Variants in INPP4B observed in about 807,000 individuals in gnomAD.
The protein encoded by INPP4B is inositol polyphosphate 4-phosphatase type II.
A neutral mutation model predicts 122.5 loss-of-function variants in INPP4B; 55 were observed. The ratio of observed to expected loss-of-function variants is 0.45; its 90% CI spans 0.36 to 0.56. The LOEUF is 0.56. Ranked by LOEUF, INPP4B falls within the 20% of genes least tolerant of loss-of-function variation. The probability of loss-of-function intolerance (pLI) is 0.00; values close to 1 mark genes in which losing one functional copy is unlikely to be tolerated. For missense variants in INPP4B, 1,000 were observed against 1,097.7 expected, an observed-to-expected ratio of 0.91 and a Z score of 1.26; for synonymous variants, 403 against 388.7, an observed-to-expected ratio of 1.04 and a Z score of -0.43.
intron 7 of INPP4B, among the ~76,000 whole-genome samples, chr4:142,399,221 G>A (rs867218968): frequency 1.2e-4 from 12 of 99,598 alleles, no homozygotes; most frequent in African/African-American, 2.7e-4. Context: ...TTTTTGAGTC[G>A]GAGTCTCGCT....
At chr4:142,797,392 A>G (rs1777398771) in intron 1 of INPP4B, among the ~76,000 whole-genome samples, 1 of 152,060 alleles carries the variant, frequency 6.6e-6, no homozygotes, top group Non-Finnish European at 1.5e-5. Context: ...AATGTCAGTC[A>G]TGATTACCAT....
At chr4:142,701,643 C>A (rs7680631) in intron 2 of INPP4B, among the ~76,000 whole-genome samples, 1 of 151,736 alleles carries the variant, frequency 6.6e-6, no homozygotes, top group Non-Finnish European at 1.5e-5. Flanking sequence ...TTTGAAAGAC[C>A]ATTTCTTCTA....
rs550392354 is a variant in INPP4B at position 142,405,945 on chromosome 4, G to A, written c.137-621C>T. On this transcript the variant is annotated intron_variant, in intron 5 of 25. Coordinates refer to ENST00000262992, the MANE Select transcript of INPP4B (RefSeq NM_001101669.3). Reference sequence around the variant, plus strand: ...GAGGAGATGGGTTAATTCTTGCCCAGGGGCCACAAAAGTTAAAAACTTTCC... The same window carrying A: ...GAGGAGATGGGTTAATTCTTGCCCAAGGGCCACAAAAGTTAAAAACTTTCC... 2.0e-5 allele frequency among the ~76,000 whole-genome samples: 3 copies of A among 152,178 alleles called. No homozygotes were observed. In the South Asian group the frequency reaches 6.2e-4, roughly 32 times the overall value.
intron 22 of INPP4B, among the ~76,000 whole-genome samples, chr4:142,111,475 T>C (rs1790032275): frequency 6.6e-6 from 1 of 151,768 alleles, no homozygotes; most frequent in Non-Finnish European, 1.5e-5. Context: ...GCCTCCCAAA[T>C]AGCTGAGATT....
chr4:142,303,139 C>T (rs1180495498), intron 9 of INPP4B, among the ~76,000 whole-genome samples: 1 of 152,002 alleles, frequency 6.6e-6, no homozygotes, highest in Non-Finnish European at 1.5e-5. Flanking sequence ...AAAATAAAAG[C>T]AATGTATCCT....
intron 3 of INPP4B, among the ~76,000 whole-genome samples, chr4:142,441,430 G>A (rs961037494): frequency 6.6e-6 from 1 of 152,120 alleles, no homozygotes; most frequent in African/African-American, 2.4e-5. Flanking sequence ...AACCTATCAG[G>A]AGAGAATAAA....
At chr4:142,801,412 A>T (rs1213731034) in intron 1 of INPP4B, among the ~76,000 whole-genome samples, 2 of 152,196 alleles carry the variant, frequency 1.3e-5, no homozygotes. Flanking sequence ...GACTGGAGTC[A>T]TAAGAAGAGG....
intron 23 of INPP4B, among the ~76,000 whole-genome samples, chr4:142,091,867 G>A (rs1043786499): frequency 6.6e-6 from 1 of 152,110 alleles, no homozygotes; most frequent in South Asian, 2.1e-4. Context: ...AAATAACTGT[G>A]TGGCCAGAAA....
chr4:142,487,344 T>A (rs1228970654), intron 2 of INPP4B, among the ~76,000 whole-genome samples: 1 of 152,144 alleles, frequency 6.6e-6, no homozygotes, highest in Non-Finnish European at 1.5e-5. Flanking sequence ...TACCACAATG[T>A]CTGGATTACA....
chr4:142,404,209 A>G (rs1164184531), intron 6 of INPP4B, among the ~76,000 whole-genome samples: 1 of 152,206 alleles, frequency 6.6e-6, no homozygotes, highest in African/African-American at 2.4e-5. Context: ...GGCTACATGC[A>G]GTATCTGGGT....
At chr4:142,258,747 C>T (rs1737931589) in intron 11 of INPP4B, among the ~76,000 whole-genome samples, 1 of 152,206 alleles carries the variant, frequency 6.6e-6, no homozygotes, top group Non-Finnish European at 1.5e-5. Flanking sequence ...CACTTTTACA[C>T]TGTTGGTGGG....
At chr4:142,310,005 CT>C (rs1267209911) in intron 8 of INPP4B, among the ~76,000 whole-genome samples, 1 of 152,210 alleles carries the variant, frequency 6.6e-6, no homozygotes, top group Non-Finnish European at 1.5e-5. Flanking sequence ...AGCAGATCCT[CT>C]GTGGCTCCCC....
At chr4:142,237,634 T>C (rs1350422973) in intron 12 of INPP4B, among the ~76,000 whole-genome samples, 1 of 151,980 alleles carries the variant, frequency 6.6e-6, no homozygotes, top group Non-Finnish European at 1.5e-5. Context: ...AGTTCAGGTC[T>C]AGATTTCTAT....
At chr4:142,522,353 G>A (rs571385639) in intron 2 of INPP4B, among the ~76,000 whole-genome samples, 21 of 109,520 alleles carry the variant, frequency 1.9e-4, no homozygotes, top group Admixed American at 4.1e-4. Flanking sequence ...CCCCCACCCC[G>A]AGACATGAGA....
chr4:142,497,591 A>T (rs1822756287), intron 2 of INPP4B, among the ~76,000 whole-genome samples: 1 of 152,242 alleles, frequency 6.6e-6, no homozygotes, highest in Non-Finnish European at 1.5e-5. Flanking sequence ...TAAAAGCATC[A>T]AAGTTATAAA....
At chr4:142,227,560 G>C (rs1279085280) in intron 12 of INPP4B, among the ~76,000 whole-genome samples, 1 of 151,934 alleles carries the variant, frequency 6.6e-6, no homozygotes, top group African/African-American at 2.4e-5. Flanking sequence ...ATGTATTCAT[G>C]AAAAATTTGA....
chr4:142,554,648 A>G (rs1490100653), intron 2 of INPP4B, among the ~76,000 whole-genome samples: 1 of 152,100 alleles, frequency 6.6e-6, no homozygotes, highest in East Asian at 1.9e-4. Flanking sequence ...ACCTTAAACT[A>G]GTGTCTTTGT....
intron 2 of INPP4B, among the ~76,000 whole-genome samples, chr4:142,696,790 C>A (rs182619718): frequency 2.7e-4 from 41 of 152,260 alleles, no homozygotes; most frequent in African/African-American, 8.9e-4. Context: ...TGGATAACAC[C>A]AAGGCTGTCC....
intron 2 of INPP4B, among the ~76,000 whole-genome samples, chr4:142,513,635 T>C (rs6823362): frequency 0.16 from 24,266 of 152,034 alleles, 2,264 homozygotes; most frequent in East Asian, 0.39. Flanking sequence ...CTAGAACTCC[T>C]GACCTCAGGT....
Sources: gnomAD v4.1 joint callset for allele counts (sites outside exome capture counted in the v4.1 genomes callset) on GRCh38, gnomAD v4.1.1 for gene constraint, MANE v1.5 for transcripts, NCBI Gene and HGNC (gene_info 2026-07-23, HGNC 2026-07-21) for gene names.